The following ADGRB1 variants were observed in gnomAD, a reference collection of about 807,000 sequenced individuals.
ADGRB1 encodes the protein adhesion G protein-coupled receptor B1, also known as brain-specific angiogenesis inhibitor 1.
ADGRB1 carries 36 observed loss-of-function variants against 175.7 expected under a neutral mutation model. The ratio of observed to expected loss-of-function variants is 0.20; its 90% CI spans 0.16 to 0.27. The LOEUF is 0.27. ADGRB1 is among the 10% of genes least tolerant of loss of function. The pLI, the probability that ADGRB1 is intolerant of heterozygous loss-of-function variation, is 1.00. For synonymous variants in ADGRB1, 1,054 were observed against 979.4 expected (o/e 1.08, Z -1.42); for missense variants, 1,731 against 2,255.3 (o/e 0.77, Z 4.71).
Position 142,464,998 on chromosome 8 carries a change from G to A in ADGRB1, c.784+16G>A. The A allele has an allele frequency of 6.8e-7, 1 of 1,474,316 alleles. No homozygotes were observed. Among genetic ancestry groups the A allele is most frequent in the African/African-American group, 1.5e-5 (1 of 68,826 alleles). The allele number at this position is 1,474,316 out of a possible 1,614,324, so 91.3% of individuals were successfully genotyped here. ...GGCGCCACAGGTGAGTGACTGGCGG[G>A]GAAACCTTCGGACAGGGGAGGTGGG... On this transcript the variant is annotated intron_variant, in intron 2 of 30. Transcript: ENST00000517894.
chr8:142,469,553 ATGTG>A (rs370605500), intron 2 of ADGRB1, among the ~76,000 whole-genome samples: 1 of 135,444 alleles, frequency 7.4e-6, no homozygotes, highest in Non-Finnish European at 1.6e-5. Context: ...ATGCACGTGC[ATGTG>A]TGTGAATGTG....
In ADGRB1 at chr8:142,475,465, T is replaced by C; in HGVS notation, c.785-9T>C. 7.7e-7 allele frequency: 1 copy of C among 1,290,528 alleles called. No individual in the cohort carries two copies. Among genetic ancestry groups the C allele is most frequent in the Non-Finnish European group, 9.8e-7 (1 of 1,018,238 alleles). 79.9% of individuals were successfully genotyped at this position (1,290,528 alleles called of 1,614,324 possible). A position where few individuals can be genotyped will look rare whatever the true frequency, so the allele number is the denominator to read the frequency against. On this transcript the variant is annotated splice_polypyrimidine_tract_variant and intron_variant, in intron 2 of 30. Coordinates refer to ENST00000517894, the MANE Select transcript of ADGRB1 (RefSeq NM_001702.3). ...CTGCCCTGATCCCCGCCCTCTGGTT[T>C]CCCCCCAGGCGGCTGGAAGCTGTGG...
chr8:142,469,576 T>C (rs1195995022), intron 2 of ADGRB1, among the ~76,000 whole-genome samples: 202 of 150,414 alleles, frequency 1.3e-3, no homozygotes, highest in African/African-American at 4.7e-3. Context: ...TGTGTGCATG[T>C]GTGCATGTGT....
chr8:142,531,548 G>A (rs535456746), intron 24 of ADGRB1, among the ~76,000 whole-genome samples: 60 of 152,320 alleles, frequency 3.9e-4, no homozygotes, highest in African/African-American at 1.4e-3. Context: ...CAGGGAAGAA[G>A]GAGTCCCATG....
In ADGRB1 at chr8:142,464,845, T is replaced by C. The variant is rs111424099; in HGVS notation, c.647T>C (p.Leu216Pro). ...CGIMQTPCAC[L>P]GGEAGGPAAG... ...ATCATGCAGACCCCCTGCGCCTGCC[T>C]GGGCGGCGAGGCGGGCGGCCCTGCC... Residue 216 changes from leucine to proline, a missense_variant, in exon 2 of 31, where the codon CTG becomes CCG. Around this residue, in one of 8 missense-constraint regions of ADGRB1, gnomAD observed 383 missense variants for 383.1 expected, o/e 1.00. Transcript: ENST00000517894. The C allele has an allele frequency of 2.7e-5, 41 of 1,524,760 alleles. No homozygotes were observed. The highest frequency in any genetic ancestry group is 1.8e-4 in the Middle Eastern group (1 of 5,696). 94.5% of individuals were successfully genotyped at this position (1,524,760 alleles called of 1,614,324 possible). A position where few individuals can be genotyped will look rare whatever the true frequency, so the allele number is the denominator to read the frequency against.
chr8:142,537,129 C>T lies in ADGRB1; in HGVS notation c.3666+47C>T, dbSNP rs964269369. On this transcript the variant is annotated intron_variant, in intron 26 of 30. Transcript: ENST00000517894. The surrounding 1 kb of genome is among the most constrained non-coding windows in gnomAD (Gnocchi z 4.6). Reference sequence around the variant, plus strand: ...CTCAGGCTGCCCTACCTGCCTCGTACCCCCGCCAAGTGCCTCCAGGCCCTC... The same window carrying T: ...CTCAGGCTGCCCTACCTGCCTCGTATCCCCGCCAAGTGCCTCCAGGCCCTC... 2.2e-6 allele frequency: 3 copies of T among 1,372,872 alleles called. No individual in the cohort carries two copies. The highest frequency in any genetic ancestry group is 2.3e-4 in the Middle Eastern group (1 of 4,394). The allele number at this position is 1,372,872 out of a possible 1,614,324, so 85.0% of individuals were successfully genotyped here. A position where few individuals can be genotyped will look rare whatever the true frequency, so the allele number is the denominator to read the frequency against.
At chr8:142,535,349 C>A (rs1453900185) in intron 25 of ADGRB1, among the ~76,000 whole-genome samples, 1 of 152,102 alleles carries the variant, frequency 6.6e-6, no homozygotes, top group Admixed American at 6.5e-5. Context: ...GGAGGGGACC[C>A]AGCATGCTCC....
rs1374018093 is a variant in ADGRB1 at position 142,542,677 on chromosome 8, A to G, written c.4413+30A>G. On this transcript the variant is annotated intron_variant, in intron 28 of 30. Coordinates refer to ENST00000517894, the MANE Select transcript of ADGRB1 (RefSeq NM_001702.3). The surrounding 1 kb of genome is among the most constrained non-coding windows in gnomAD (Gnocchi z 6.3). ...GGGGGGCAGGGGTGGGCCACACCCC[A>G]GCCAGCGAGGGCAGGGCTGCAGCAG... The G allele has an allele frequency of 2.0e-6, 3 of 1,510,606 alleles. No homozygotes were observed. Among genetic ancestry groups the G allele is most frequent in the Non-Finnish European group, 2.7e-6 (3 of 1,124,022 alleles). The allele number at this position is 1,510,606 out of a possible 1,614,324, so 93.6% of individuals were successfully genotyped here. A position where few individuals can be genotyped will look rare whatever the true frequency, so the allele number is the denominator to read the frequency against.
intron 11 of ADGRB1, among the ~76,000 whole-genome samples, 179 bp from the exon 12 acceptor site, chr8:142,483,798 C>T (rs1455777580): frequency 1.3e-5 from 2 of 151,974 alleles, no homozygotes; most frequent in Admixed American, 6.5e-5. Context: ...ATCCTGGTTA[C>T]ACACTGAACC....
Position 142,543,505 on chromosome 8 carries a change from AGGCAGCTCCCC to A in ADGRB1, c.4449+74_4450-79del, listed in dbSNP as rs1845409569. The A allele has an allele frequency of 6.2e-7, 1 of 1,608,506 alleles. No homozygotes were observed. The highest frequency in any genetic ancestry group is 1.7e-5 in the Admixed American group (1 of 59,586). On this transcript the variant is annotated intron_variant, in intron 29 of 30. Coordinates refer to ENST00000517894, the MANE Select transcript of ADGRB1 (RefSeq NM_001702.3). This position sits in a 1 kb window ranked among gnomAD's most constrained non-coding sequence, Gnocchi z 4.4. ...ATGTGCTCTGGGCTCCCACACGGCC[AGGCAGCTCCCC>A]GGCAGCCAGGGGACGGGCGGGGCAG...
intron 18 of ADGRB1, among the ~76,000 whole-genome samples, chr8:142,517,483 TG>T (rs747718502): frequency 4.0e-4 from 60 of 148,902 alleles, no homozygotes; most frequent in Non-Finnish European, 8.2e-4. Context: ...GGGCTAGAGG[TG>T]GGGATGCCTG....
At chr8:142,479,941 G>A (rs987559912) in intron 9 of ADGRB1, 147 bp downstream of exon 9, 12 of 832,320 alleles carry the variant, frequency 1.4e-5, no homozygotes, top group East Asian at 1.1e-4. Context: ...GTGGGGCCGC[G>A]AGCCCAGGGC....
intron 1 of ADGRB1, among the ~76,000 whole-genome samples, chr8:142,456,237 A>G (rs1839672705): frequency 6.6e-6 from 1 of 152,060 alleles, no homozygotes; most frequent in Non-Finnish European, 1.5e-5. Flanking sequence ...GCGCGCCCAC[A>G]TGCACACATA....
rs79652160 is a variant in ADGRB1, at chr8:142,455,334, T to C, written c.-220+5230T>C. On this transcript the variant is annotated intron_variant, in intron 1 of 30. Coordinates refer to ENST00000517894, the MANE Select transcript of ADGRB1 (RefSeq NM_001702.3). The surrounding 1 kb of genome is among the most constrained non-coding windows in gnomAD (Gnocchi z 4.9). ...CACCTTGGCCCCCACCTTAGGCTCC[T>C]GTCCCCTTCACTCGCCCCCATGGCT... Among the ~76,000 whole-genome samples the C allele has an allele frequency of 0.011, 1,699 of 152,096 alleles. 29 individuals carry two copies. Among genetic ancestry groups the C allele is most frequent in the African/African-American group, 0.039 (1,632 of 41,478 alleles).
At chr8:142,466,898 A>G (rs980466982) in intron 2 of ADGRB1, among the ~76,000 whole-genome samples, 1 of 151,352 alleles carries the variant, frequency 6.6e-6, no homozygotes, top group Non-Finnish European at 1.5e-5. Flanking sequence ...CAGAATACCA[A>G]CTCCTTTGCA....
chr8:142,479,845 G>A (rs4509377), intron 9 of ADGRB1, 51 bp downstream of exon 9: 1,240,332 of 1,546,134 alleles, frequency 0.8, 499,276 homozygotes, highest in South Asian at 0.86. Context: ...CTGTCCTCAC[G>A]GTGATGCCCA....
intron 20 of ADGRB1, 79 bp downstream of exon 20, chr8:142,521,004 G>T (rs570206997): frequency 3.6e-6 from 5 of 1,394,166 alleles, no homozygotes. Flanking sequence ...GGCCTGGACC[G>T]TGGGATCCCT....
At chr8:142,477,865 G>A (rs1276659022) in intron 6 of ADGRB1, among the ~76,000 whole-genome samples, 1 of 151,900 alleles carries the variant, frequency 6.6e-6, no homozygotes, top group South Asian at 2.1e-4. Context: ...CCATGTCCCA[G>A]GCTGGGTGTG....
At position 142,477,269 on chromosome 8, in the gene ADGRB1, G is replaced by T; in HGVS notation, c.1213G>T (p.Val405Leu). The T allele has an allele frequency of 6.3e-7, 1 of 1,591,940 alleles. No individual in the cohort carries two copies. Among genetic ancestry groups the T allele is most frequent in the Non-Finnish European group, 8.6e-7 (1 of 1,168,834 alleles). ...GCAGCGGCTGTGCAACAACTCTGCCGTGTGCCCAGGTGGGTGGGACCTTGG... is the reference window on the plus strand; with the variant it reads ...GCAGCGGCTGTGCAACAACTCTGCCTTGTGCCCAGGTGGGTGGGACCTTGG... The part of the protein sequence containing the change: ...REQRLCNNSA[V>L]CPVHGAWDEW... The change falls in exon 5 of 31, where the codon GTG (valine) becomes TTG (leucine). Residue 405 changes from valine to leucine, a missense_variant. By Grantham distance (32) the Val-to-Leu change is conservative. Around this residue, in one of 8 missense-constraint regions of ADGRB1, gnomAD observed 178 missense variants for 227.8 expected, o/e 0.78. Transcript: ENST00000517894.
Sources: gnomAD v4.1 joint callset for allele counts (sites outside exome capture counted in the v4.1 genomes callset) on GRCh38, gnomAD v4.1.1 for gene constraint, gnomAD v4.1.1 regional missense constraint, Gnocchi (gnomAD v3.1) non-coding constraint, MANE v1.5 for transcripts, NCBI Gene and HGNC (gene_info 2026-07-23, HGNC 2026-07-21) for gene names.